TENM3: variants seen among roughly 807,000 people sequenced by gnomAD.
TENM3 encodes the protein teneurin transmembrane protein 3.
TENM3 carries 63 observed loss-of-function variants against 255.1 expected under a neutral mutation model. That is an observed-to-expected ratio of 0.25 (90% CI 0.20 to 0.30). TENM3 has a LOEUF of 0.30. TENM3 is among the 10% of genes least tolerant of loss of function. The pLI is 1.00. For synonymous variants in TENM3, 1,306 were observed against 1,322.3 expected, an observed-to-expected ratio of 0.99 and a Z score of 0.27; for missense variants, 2,929 against 3,461.1, an observed-to-expected ratio of 0.85 and a Z score of 3.86.
the TENM3 span, among the ~76,000 whole-genome samples, chr4:181,452,066 G>T: frequency 6.6e-6 from 1 of 152,132 alleles, no homozygotes; most frequent in East Asian, 1.9e-4. Flanking sequence ...TCAATATGGT[G>T]CTAAAAGCGC....
the TENM3 span, among the ~76,000 whole-genome samples, chr4:182,097,253 G>T: frequency 6.6e-6 from 1 of 152,248 alleles, no homozygotes. Flanking sequence ...CCTTAGGGAA[G>T]CTTCTCCTTT....
At chr4:182,060,494 G>A in the TENM3 span, among the ~76,000 whole-genome samples, 6 of 151,964 alleles carry the variant, frequency 3.9e-5, no homozygotes, top group Admixed American at 2.0e-4. Flanking sequence ...CCGCTGATCC[G>A]ACAGGAGGCA....
At chr4:181,585,020 A>AG in the TENM3 span, among the ~76,000 whole-genome samples, 7,552 of 150,762 alleles carry the variant, frequency 0.05, 303 homozygotes, top group South Asian at 0.13. Flanking sequence ...AAAAAAAAAA[A>AG]TCCTCCTTTT....
intron 2 of TENM3, among the ~76,000 whole-genome samples, chr4:182,343,823 A>T (rs931066025): frequency 6.6e-6 from 1 of 152,196 alleles, no homozygotes; most frequent in Non-Finnish European, 1.5e-5. Flanking sequence ...AGATCTTTCC[A>T]GGGGTGTTTG....
intron 12 of TENM3, among the ~76,000 whole-genome samples, chr4:182,710,236 G>C (rs1004263288): frequency 2.0e-5 from 3 of 152,074 alleles, no homozygotes; most frequent in Non-Finnish European, 4.4e-5. Flanking sequence ...AACTCCAGAA[G>C]TTTCGATGGC....
At position 182,545,964 on chromosome 4, in the gene TENM3, A is replaced by G. The variant is rs149738409; in HGVS notation, c.512-54960A>G. On this transcript the variant is annotated intron_variant, in intron 3 of 27. Coordinates refer to ENST00000511685, the MANE Select transcript of TENM3 (RefSeq NM_001080477.4). ...TATTGACCAGAAGCCTTACCGATCAACAGTCGATTAACACATATTTGGCAT... is the reference window on the plus strand; with the variant it reads ...TATTGACCAGAAGCCTTACCGATCAGCAGTCGATTAACACATATTTGGCAT... Among the ~76,000 whole-genome samples, 612 of 152,352 alleles carry G rather than the reference A, an allele frequency of 4.0e-3. 5 individuals are homozygous for G. The highest frequency in any genetic ancestry group is 0.014 in the African/African-American group (591 of 41,578).
the TENM3 span, among the ~76,000 whole-genome samples, chr4:181,878,065 A>G: frequency 6.6e-6 from 1 of 152,174 alleles, no homozygotes; most frequent in South Asian, 2.1e-4. Context: ...GGGTGGATCT[A>G]TTGTAGGCAC....
chr4:182,312,317 G>A lies in TENM3; in HGVS notation c.-75-11629G>A, dbSNP rs560795776. Among the ~76,000 whole-genome samples, 6 of 152,208 alleles carry A rather than the reference G, an allele frequency of 3.9e-5. No homozygotes were observed. The South Asian group carries it at 8.3e-4, about 21-fold the overall frequency. On this transcript the variant is annotated intron_variant, in intron 1 of 27. Coordinates refer to ENST00000511685, the MANE Select transcript of TENM3 (RefSeq NM_001080477.4). Reference sequence around the variant, plus strand: ...TTCAAGGCTGCAGTGAGCTGTGATCGTACCACCGTACTCCAGCCTGGGCAG... The same window carrying A: ...TTCAAGGCTGCAGTGAGCTGTGATCATACCACCGTACTCCAGCCTGGGCAG...
chr4:182,366,039 G>A (rs1252650246), intron 3 of TENM3, among the ~76,000 whole-genome samples: 2 of 152,236 alleles, frequency 1.3e-5, no homozygotes, highest in East Asian at 3.9e-4. Flanking sequence ...AAACATTATT[G>A]TGTGGTGTGT....
At chr4:182,583,334 TG>T in intron 3 of TENM3, among the ~76,000 whole-genome samples, 1 of 7,600 alleles carries the variant, frequency 1.3e-4, no homozygotes, top group Non-Finnish European at 2.6e-4. Flanking sequence ...CTTAAACCTC[TG>T]TGTGTGTGTG....
intron 22 of TENM3, among the ~76,000 whole-genome samples, chr4:182,762,658 G>A (rs554661441): frequency 1.8e-4 from 27 of 152,304 alleles, no homozygotes; most frequent in African/African-American, 6.0e-4. Flanking sequence ...GTTCAGCACA[G>A]AGAAAGTCCC....
At chr4:181,939,243 C>T in the TENM3 span, among the ~76,000 whole-genome samples, 1 of 152,114 alleles carries the variant, frequency 6.6e-6, no homozygotes, top group Non-Finnish European at 1.5e-5. Flanking sequence ...TGGTTATAAT[C>T]CTAGTCCTGC....
In TENM3 at chr4:182,621,738, ATATATAAT is replaced by A. The variant is rs1750244390; in HGVS notation, c.750-6912_750-6905del. ...ATATATATTATATATAAAATATATA[ATATATAAT>A]ATATTATAATATATAATAATTATAT... On this transcript the variant is annotated intron_variant, in intron 4 of 27. Transcript: ENST00000511685. Among the ~76,000 whole-genome samples the A allele has an allele frequency of 7.0e-5, 3 of 42,678 alleles. 1 individual carries two copies. The highest frequency in any genetic ancestry group is 2.4e-4 in the African/African-American group (3 of 12,650). The allele number at this position is 42,678 out of a possible 152,430, so 28.0% of individuals were successfully genotyped here.
intron 1 of TENM3, among the ~76,000 whole-genome samples, chr4:182,207,832 T>C (rs1754689107): frequency 6.6e-6 from 1 of 152,220 alleles, no homozygotes; most frequent in Admixed American, 6.5e-5. Context: ...TTGTAATGTA[T>C]TGTGTTCTAC....
chr4:181,739,287 T>A, the TENM3 span, among the ~76,000 whole-genome samples: 1 of 151,496 alleles, frequency 6.6e-6, no homozygotes, highest in African/African-American at 2.4e-5. Flanking sequence ...ATTGTCCAAA[T>A]GTCGAAACCA....
intron 22 of TENM3, among the ~76,000 whole-genome samples, chr4:182,767,534 T>C (rs1256215841): frequency 6.6e-6 from 1 of 152,176 alleles, no homozygotes; most frequent in Non-Finnish European, 1.5e-5. Context: ...TACGCAACTC[T>C]GTTAGATGGA....
the TENM3 span, among the ~76,000 whole-genome samples, chr4:181,919,664 C>A: frequency 1.3e-5 from 2 of 152,006 alleles, no homozygotes; most frequent in Admixed American, 6.6e-5. Context: ...GATGAAGTGA[C>A]ACAATCGATC....
At chr4:182,340,531 A>G (rs1336944692) in intron 2 of TENM3, among the ~76,000 whole-genome samples, 1 of 152,222 alleles carries the variant, frequency 6.6e-6, no homozygotes, top group Non-Finnish European at 1.5e-5. Flanking sequence ...GGCCTTATGA[A>G]TAAAGATTTG....
the TENM3 span, among the ~76,000 whole-genome samples, chr4:182,113,587 C>T: frequency 6.6e-6 from 1 of 152,154 alleles, no homozygotes; most frequent in African/African-American, 2.4e-5. Flanking sequence ...TCATTACATC[C>T]GTATTTTCTT....
Sources: gnomAD v4.1 joint callset for allele counts (sites outside exome capture counted in the v4.1 genomes callset) on GRCh38, gnomAD v4.1.1 for gene constraint, MANE v1.5 for transcripts, NCBI Gene and HGNC (gene_info 2026-07-23, HGNC 2026-07-21) for gene names.